Variants in RIT2 observed in about 807,000 individuals in gnomAD.
The protein encoded by RIT2 is GTP-binding protein Rit2.
In RIT2, 24 loss-of-function variants were observed where a neutral mutation model predicts 23.7. The observed-to-expected ratio is 1.01, with a 90% CI of 0.73 to 1.43. The LOEUF is 1.43. Among genes scored for constraint, RIT2 ranks in the 40% most tolerant of loss-of-function variants. RIT2 has a pLI of 0.00. For missense variants in RIT2, 236 were observed against 266.9 expected, an observed-to-expected ratio of 0.88 and a Z score of 0.81; for synonymous variants, 107 against 91.1, an observed-to-expected ratio of 1.17 and a Z score of -0.99.
intron 1 of RIT2, among the ~76,000 whole-genome samples, chr18:43,048,574 A>T (rs1409237542): frequency 1.3e-5 from 2 of 152,194 alleles, no homozygotes; most frequent in Admixed American, 6.5e-5. Context: ...TATGAAAAGT[A>T]AGTGAAACAA....
At chr18:42,925,931 C>A (rs545931516) in intron 3 of RIT2, among the ~76,000 whole-genome samples, 1 of 151,642 alleles carries the variant, frequency 6.6e-6, no homozygotes, top group Non-Finnish European at 1.5e-5. Flanking sequence ...CATCATAATT[C>A]TTTTTATACA....
At chr18:42,771,693 C>T (rs533102738) in intron 4 of RIT2, among the ~76,000 whole-genome samples, 5 of 152,086 alleles carry the variant, frequency 3.3e-5, no homozygotes, top group South Asian at 2.1e-4. Context: ...AGATTTTTTT[C>T]TAGTTTATTT....
At chr18:42,983,418 AT>A (rs577774509) in intron 2 of RIT2, among the ~76,000 whole-genome samples, 247 of 152,132 alleles carry the variant, frequency 1.6e-3, no homozygotes, top group Middle Eastern at 3.4e-3. Context: ...GAAAAAAAAA[AT>A]GAGAAAATCT....
At chr18:43,068,449 C>T (rs193099563) in intron 1 of RIT2, among the ~76,000 whole-genome samples, 1 of 152,148 alleles carries the variant, frequency 6.6e-6, no homozygotes, top group East Asian at 1.9e-4. Context: ...ACCCAGGGAA[C>T]AGCAGCAATT....
At chr18:43,050,577 A>T (rs1448158216) in intron 1 of RIT2, among the ~76,000 whole-genome samples, 2 of 152,014 alleles carry the variant, frequency 1.3e-5, no homozygotes, top group African/African-American at 4.8e-5. Flanking sequence ...GTCTTTTGTT[A>T]CAATGTTGGA....
At chr18:42,858,278 G>T (rs1907239551) in intron 4 of RIT2, among the ~76,000 whole-genome samples, 1 of 152,136 alleles carries the variant, frequency 6.6e-6, no homozygotes, top group Admixed American at 6.5e-5. Flanking sequence ...ATGGAAAGAG[G>T]ACCATCTCTG....
intron 3 of RIT2, among the ~76,000 whole-genome samples, chr18:42,944,642 G>A (rs1415798805): frequency 1.3e-5 from 2 of 152,126 alleles, no homozygotes; most frequent in Non-Finnish European, 2.9e-5. Flanking sequence ...TTCTCTCCAA[G>A]ATTGAGAAAT....
chr18:42,968,030 A>AT (rs1400410847), intron 3 of RIT2, among the ~76,000 whole-genome samples: 1 of 152,162 alleles, frequency 6.6e-6, no homozygotes, highest in Non-Finnish European at 1.5e-5. Context: ...CGAGAACATG[A>AT]TAGTCTCCCA....
At chr18:42,963,205 T>C (rs1241190237) in intron 3 of RIT2, among the ~76,000 whole-genome samples, 2 of 152,154 alleles carry the variant, frequency 1.3e-5, no homozygotes, top group South Asian at 2.1e-4. Context: ...TGAAGATTCT[T>C]AGGAATAAGA....
intron 2 of RIT2, among the ~76,000 whole-genome samples, chr18:43,013,591 A>AT (rs1911402557): frequency 6.6e-6 from 1 of 151,846 alleles, no homozygotes; most frequent in African/African-American, 2.4e-5. Flanking sequence ...ATACTGCCAC[A>AT]TTTTTTAAAC....
At chr18:43,059,859 C>T (rs565492104) in intron 1 of RIT2, among the ~76,000 whole-genome samples, 1 of 152,098 alleles carries the variant, frequency 6.6e-6, no homozygotes, top group Admixed American at 6.6e-5. Flanking sequence ...GATCAATTAA[C>T]TAGCAGGTTC....
intron 4 of RIT2, among the ~76,000 whole-genome samples, chr18:42,836,650 T>C (rs1422344089): frequency 1.3e-5 from 2 of 152,090 alleles, no homozygotes; most frequent in Non-Finnish European, 2.9e-5. Flanking sequence ...ATAGAAACAA[T>C]ATGAACAGTA....
chr18:42,855,275 G>A (rs528967874), intron 4 of RIT2, among the ~76,000 whole-genome samples: 1 of 151,992 alleles, frequency 6.6e-6, no homozygotes, highest in Non-Finnish European at 1.5e-5. Flanking sequence ...TTTTCATCAG[G>A]GAAATACTCT....
chr18:42,868,566 T>C, intron 4 of RIT2, among the ~76,000 whole-genome samples: 1 of 152,230 alleles, frequency 6.6e-6, no homozygotes, highest in Admixed American at 6.5e-5. Context: ...TGTTAGATGC[T>C]AGGCAGCAGT....
intron 1 of RIT2, among the ~76,000 whole-genome samples, chr18:43,046,058 G>A (rs958457223): frequency 4.6e-5 from 7 of 152,148 alleles, no homozygotes; most frequent in Admixed American, 2.6e-4. Flanking sequence ...TAAAGGCAAT[G>A]GCTAATAGGC....
intron 2 of RIT2, among the ~76,000 whole-genome samples, chr18:42,991,798 T>A (rs1910856292): frequency 6.6e-6 from 1 of 151,872 alleles, no homozygotes; most frequent in Admixed American, 6.6e-5. Context: ...CCCCTTTGAC[T>A]GTAATTTTCC....
intron 2 of RIT2, among the ~76,000 whole-genome samples, chr18:42,992,400 C>A (rs1212056987): frequency 6.6e-6 from 1 of 152,052 alleles, no homozygotes; most frequent in Non-Finnish European, 1.5e-5. Flanking sequence ...TTTTACACAT[C>A]GGTCCCTCCC....
intron 4 of RIT2, among the ~76,000 whole-genome samples, chr18:42,786,268 A>G (rs1165453980): frequency 6.6e-6 from 1 of 152,140 alleles, no homozygotes; most frequent in Non-Finnish European, 1.5e-5. Context: ...CCTGTACACA[A>G]GGGGTCTGAA....
At chr18:42,849,510 C>A (rs1027428025) in intron 4 of RIT2, among the ~76,000 whole-genome samples, 2 of 152,084 alleles carry the variant, frequency 1.3e-5, no homozygotes, top group Non-Finnish European at 1.5e-5. Context: ...TGAAGATTAG[C>A]TGACATGACG....
Sources: gnomAD v4.1 joint callset for allele counts (sites outside exome capture counted in the v4.1 genomes callset) on GRCh38, gnomAD v4.1.1 for gene constraint, MANE v1.5 for transcripts, NCBI Gene and HGNC (gene_info 2026-07-23, HGNC 2026-07-21) for gene names.